The following NR2F1-AS1 variants were observed in gnomAD, a reference collection of about 807,000 sequenced individuals.
The protein encoded by NR2F1-AS1 is NR2F1 regulatory antisense RNA 1.
At chr5:93,520,213 A>G (rs7701569) in intron 4 of NR2F1-AS1, among the ~76,000 whole-genome samples, 4,476 of 152,162 alleles carry the variant, frequency 0.029, 213 homozygotes, top group African/African-American at 0.1. Flanking sequence ...TTAGTTTTTA[A>G]TAGTCAGGAT....
intron 4 of NR2F1-AS1, among the ~76,000 whole-genome samples, chr5:93,470,210 A>G (rs1232407855): frequency 1.3e-5 from 2 of 152,000 alleles, no homozygotes; most frequent in African/African-American, 4.8e-5. Flanking sequence ...AGGGTACCTA[A>G]TATACTTAGA....
chr5:93,539,681 C>A (rs759775343), intron 4 of NR2F1-AS1, among the ~76,000 whole-genome samples: 2 of 152,054 alleles, frequency 1.3e-5, no homozygotes, highest in Non-Finnish European at 2.9e-5. Context: ...GGAAAAAATT[C>A]TTGTGTTCTA....
chr5:93,461,335 TG>T (rs142900828), intron 4 of NR2F1-AS1, among the ~76,000 whole-genome samples: 4,025 of 151,806 alleles, frequency 0.027, 92 homozygotes, highest in Middle Eastern at 0.048. Flanking sequence ...TGTCAGAGGG[TG>T]GGATATGGGA....
chr5:93,559,966 T>C (rs972045597), intron 2 of NR2F1-AS1, among the ~76,000 whole-genome samples: 1 of 150,736 alleles, frequency 6.6e-6, no homozygotes, highest in Non-Finnish European at 1.5e-5. Context: ...ACATACTCTA[T>C]ACAGGGTTGC....
chr5:93,426,043 ATTTTTT>A (rs371175585), intron 4 of NR2F1-AS1, among the ~76,000 whole-genome samples: 1 of 145,322 alleles, frequency 6.9e-6, no homozygotes, highest in Non-Finnish European at 1.5e-5. Context: ...ATCTCACCTA[ATTTTTT>A]TTTTTTTTAA....
intron 4 of NR2F1-AS1, among the ~76,000 whole-genome samples, chr5:93,549,348 T>C (rs937190044): frequency 5.9e-5 from 9 of 152,080 alleles, no homozygotes; most frequent in Non-Finnish European, 1.3e-4. Flanking sequence ...AAGAAAACAA[T>C]TTTTAGCTCT....
chr5:93,439,541 G>A (rs1251600154), intron 4 of NR2F1-AS1, among the ~76,000 whole-genome samples: 6 of 152,302 alleles, frequency 3.9e-5, no homozygotes, highest in African/African-American at 1.4e-4. Flanking sequence ...TGATCCACCC[G>A]CCTCGGCCTC....
chr5:93,494,031 G>T (rs1258494491), intron 4 of NR2F1-AS1, among the ~76,000 whole-genome samples: 3 of 151,938 alleles, frequency 2.0e-5, no homozygotes, highest in African/African-American at 7.3e-5. Context: ...GTGTATCAAA[G>T]GATATTACAG....
intron 4 of NR2F1-AS1, among the ~76,000 whole-genome samples, chr5:93,469,094 T>C (rs1750308738): frequency 6.6e-6 from 1 of 152,148 alleles, no homozygotes; most frequent in Admixed American, 6.6e-5. Flanking sequence ...GAAAAGCTTA[T>C]TTTTGATACT....
intron 4 of NR2F1-AS1, among the ~76,000 whole-genome samples, chr5:93,417,351 T>C (rs1748988929): frequency 6.6e-6 from 1 of 152,190 alleles, no homozygotes; most frequent in Non-Finnish European, 1.5e-5. Context: ...TATCCATTAA[T>C]AAATCTAAAA....
chr5:93,488,239 T>A (rs1750767147), intron 4 of NR2F1-AS1, among the ~76,000 whole-genome samples: 1 of 152,060 alleles, frequency 6.6e-6, no homozygotes, highest in East Asian at 1.9e-4. Context: ...ATTTGACAAA[T>A]GGAATCTAAT....
chr5:93,449,076 T>C (rs1316760570), intron 4 of NR2F1-AS1, among the ~76,000 whole-genome samples: 1 of 152,090 alleles, frequency 6.6e-6, no homozygotes, highest in Non-Finnish European at 1.5e-5. Flanking sequence ...ATTAGGATTT[T>C]GAAAAACTGT....
chr5:93,466,909 G>A (rs1357498075), intron 4 of NR2F1-AS1, among the ~76,000 whole-genome samples: 1 of 136,696 alleles, frequency 7.3e-6, no homozygotes, highest in Admixed American at 7.4e-5. Context: ...TTTTTTGGGG[G>A]GGGGGGGGGT....
chr5:93,578,626 A>G (rs764459249), intron 1 of NR2F1-AS1, among the ~76,000 whole-genome samples: 1 of 152,182 alleles, frequency 6.6e-6, no homozygotes, highest in Non-Finnish European at 1.5e-5. Flanking sequence ...TCCGAGTCCA[A>G]GAACCACGTC....
At chr5:93,453,868 CAAG>C (rs1287271466) in intron 4 of NR2F1-AS1, among the ~76,000 whole-genome samples, 1 of 151,902 alleles carries the variant, frequency 6.6e-6, no homozygotes, top group Non-Finnish European at 1.5e-5. Context: ...AGTTCATCAG[CAAG>C]GATAAAAATT....
chr5:93,543,075 C>A (rs889061620), intron 4 of NR2F1-AS1: 1 of 152,190 alleles, frequency 6.6e-6, no homozygotes, highest in South Asian at 2.1e-4. Context: ...TGATTGATTG[C>A]GGAATTTCAA....
intron 4 of NR2F1-AS1, among the ~76,000 whole-genome samples, chr5:93,436,166 C>T (rs1347567874): frequency 6.6e-6 from 1 of 152,166 alleles, no homozygotes; most frequent in South Asian, 2.1e-4. Flanking sequence ...AATTGTAACA[C>T]TCACCATTTG....
At position 93,579,665 on chromosome 5, in the gene NR2F1-AS1, C is replaced by T. The variant is rs1752974435; in HGVS notation, n.313+802G>A. Among the ~76,000 whole-genome samples, 1 of 152,006 alleles carries T rather than the reference C, an allele frequency of 6.6e-6. No individual in the cohort carries two copies. The highest frequency in any genetic ancestry group is 2.0e-4 in the East Asian group (1 of 5,128). On this transcript the variant is annotated intron_variant and non_coding_transcript_variant, in intron 1 of 5. Transcript: ENST00000660523. The surrounding 1 kb of genome is among the most constrained non-coding windows in gnomAD (Gnocchi z 5.1). The stretch of plus-strand genomic sequence containing the variant: ...GCGCGCCCTCTGACGCAAACGCACG[C>T]CCCTGCCCCGCACGGAGGAAAGCGC...
chr5:93,569,160 G>A (rs1300056119), intron 1 of NR2F1-AS1, among the ~76,000 whole-genome samples: 1 of 152,078 alleles, frequency 6.6e-6, no homozygotes, highest in Admixed American at 6.5e-5. Flanking sequence ...GTTTCAACGA[G>A]CCTGTCAGCG....
Sources: allele counts gnomAD v4.1 joint callset (sites outside exome capture counted in the v4.1 genomes callset), GRCh38; gene constraint gnomAD v4.1.1; non-coding constraint Gnocchi (gnomAD v3.1); transcripts MANE v1.5; gene names NCBI Gene and HGNC (gene_info 2026-07-23, HGNC 2026-07-21).